Variants in MPP7 observed in about 807,000 individuals in gnomAD.
The protein encoded by MPP7 is MAGUK p55 scaffold protein 7, also known as MAGUK p55 subfamily member 7.
A neutral mutation model predicts 76.5 loss-of-function variants in MPP7; 60 were observed. The ratio of observed to expected loss-of-function variants is 0.78; its 90% confidence interval spans 0.64 to 0.97. The LOEUF (loss-of-function observed/expected upper bound fraction) is 0.97. MPP7 is among the 50% of genes least tolerant of loss of function. The probability of loss-of-function intolerance (pLI) is 0.00; values close to 1 mark genes in which losing one functional copy is unlikely to be tolerated. For synonymous variants in MPP7, 237 were observed against 244.5 expected, an observed-to-expected ratio of 0.97 and a Z score of 0.29; for missense variants, 641 against 694.0, an observed-to-expected ratio of 0.92 and a Z score of 0.86.
At chr10:28,184,840 TTA>T (rs71832663) in intron 3 of MPP7, among the ~76,000 whole-genome samples, 70,845 of 146,146 alleles carry the variant, frequency 0.48, 19,808 homozygotes, top group Middle Eastern at 0.71. Flanking sequence ...ACATATCTAT[TTA>T]TTTTAACTTA....
At chr10:28,235,131 T>A (rs557082306) in intron 2 of MPP7, among the ~76,000 whole-genome samples, 1 of 152,148 alleles carries the variant, frequency 6.6e-6, no homozygotes, top group Non-Finnish European at 1.5e-5. Context: ...GAAATCATTA[T>A]GGCCAAGAGA....
intron 2 of MPP7, among the ~76,000 whole-genome samples, chr10:28,319,849 G>A (rs954413531): frequency 4.6e-5 from 7 of 151,972 alleles, no homozygotes; most frequent in South Asian, 2.1e-4. Context: ...GGTGATGCAC[G>A]CCTGTGGTCC....
chr10:28,063,981 G>A (rs528937866), intron 13 of MPP7, among the ~76,000 whole-genome samples: 1 of 152,256 alleles, frequency 6.6e-6, no homozygotes, highest in South Asian at 2.1e-4. Context: ...GCTCACATAC[G>A]CTACTAGAGG....
rs763770654 is a variant in MPP7 at position 28,147,574 on chromosome 10, G to T, written c.235-11C>A. ...AAGCTCTTCGGCCAGCTGCAACGGA[G>T]ATTACATTGACTTAAAGAACATTTA... is the stretch of plus-strand genomic sequence containing the variant. On this transcript the variant is annotated splice_polypyrimidine_tract_variant and intron_variant, in intron 4 of 16. Transcript: ENST00000683449. The T allele has an allele frequency of 6.2e-7, 1 of 1,612,430 alleles. No individual in the cohort carries two copies. Among genetic ancestry groups the T allele is most frequent in the Non-Finnish European group, 8.5e-7 (1 of 1,178,540 alleles).
intron 1 of MPP7, among the ~76,000 whole-genome samples, chr10:28,267,928 C>T (rs748185226): frequency 2.0e-5 from 3 of 151,850 alleles, no homozygotes; most frequent in Non-Finnish European, 2.9e-5. Flanking sequence ...CCCAGCTATT[C>T]GGGAGGCTAA....
At chr10:28,328,985 T>C (rs1444505879) in intron 2 of MPP7, among the ~76,000 whole-genome samples, 2 of 152,226 alleles carry the variant, frequency 1.3e-5, no homozygotes, top group African/African-American at 2.4e-5. Flanking sequence ...TTGTGCTACA[T>C]AGTAAAATGT....
intron 2 of MPP7, among the ~76,000 whole-genome samples, chr10:28,209,366 G>A (rs982008427): frequency 6.6e-6 from 1 of 151,890 alleles, no homozygotes; most frequent in Non-Finnish European, 1.5e-5. Context: ...CTACTTGGGA[G>A]GCTGAGGAGG....
At chr10:28,288,069 C>G (rs1840828453) in intron 1 of MPP7, among the ~76,000 whole-genome samples, 1 of 152,144 alleles carries the variant, frequency 6.6e-6, no homozygotes, top group Admixed American at 6.5e-5. Flanking sequence ...CAAATCACAA[C>G]AGATTGAATG....
chr10:28,131,807 GT>G, intron 5 of MPP7, 116 bp from the exon 6 acceptor site: 2 of 414,220 alleles, frequency 4.8e-6, no homozygotes, highest in South Asian at 8.9e-5. Flanking sequence ...CAGTGTTACG[GT>G]TTTGACATAG....
chr10:28,204,915 A>C (rs1002539388), intron 2 of MPP7, among the ~76,000 whole-genome samples: 17 of 152,228 alleles, frequency 1.1e-4, no homozygotes, highest in Non-Finnish European at 1.5e-5. Context: ...TTACATATGG[A>C]AAGTGTTAAC....
intron 3 of MPP7, among the ~76,000 whole-genome samples, chr10:28,197,102 A>G (rs1288328602): frequency 6.6e-6 from 1 of 151,396 alleles, no homozygotes; most frequent in Non-Finnish European, 1.5e-5. Context: ...TCTTGCCTCC[A>G]GGTGTTCGCA....
intron 3 of MPP7, among the ~76,000 whole-genome samples, chr10:28,172,146 T>C (rs1023377105): frequency 6.6e-6 from 1 of 152,226 alleles, no homozygotes; most frequent in Non-Finnish European, 1.5e-5. Flanking sequence ...TGGCAACACA[T>C]TTTCATGAAG....
intron 2 of MPP7, among the ~76,000 whole-genome samples, chr10:28,318,697 G>T (rs143149728): frequency 6.6e-6 from 1 of 152,186 alleles, no homozygotes; most frequent in African/African-American, 2.4e-5. Context: ...AAAAATAAAA[G>T]AAAAGAAAAG....
intron 3 of MPP7, among the ~76,000 whole-genome samples, chr10:28,169,914 T>G (rs1836622947): frequency 6.6e-6 from 1 of 152,174 alleles, no homozygotes; most frequent in Admixed American, 6.5e-5. Context: ...TTATCCCCAC[T>G]CTCCCTTATC....
chr10:28,202,449 AGCAGTGGTAT>A (rs1221203378), intron 2 of MPP7, among the ~76,000 whole-genome samples, 178 bp from the exon 3 acceptor site: 1 of 152,242 alleles, frequency 6.6e-6, no homozygotes, highest in African/African-American at 2.4e-5. Context: ...TAAATTCCAA[AGCAGTGGTAT>A]GTATTAACAG....
chr10:28,330,864 TTG>T (rs1237926505), intron 1 of MPP7, among the ~76,000 whole-genome samples: 1 of 152,166 alleles, frequency 6.6e-6, no homozygotes, highest in East Asian at 1.9e-4. Context: ...TCTCCCCATG[TTG>T]CCCAGACTAG....
At chr10:28,154,745 T>TGGGGG (rs747299776) in intron 3 of MPP7, among the ~76,000 whole-genome samples, 1 of 135,302 alleles carries the variant, frequency 7.4e-6, no homozygotes, top group African/African-American at 3.1e-5. Context: ...TTAGTTGGGG[T>TGGGGG]GGGGGGTGGT....
At chr10:28,236,153 G>A (rs186791463) in intron 2 of MPP7, among the ~76,000 whole-genome samples, 190 of 152,158 alleles carry the variant, frequency 1.2e-3, no homozygotes, top group African/African-American at 4.5e-3. Context: ...TAGATCATTC[G>A]GTGGTTTAAC....
At chr10:28,275,964 C>G (rs1840481453) in intron 1 of MPP7, among the ~76,000 whole-genome samples, 1 of 151,620 alleles carries the variant, frequency 6.6e-6, no homozygotes, top group Non-Finnish European at 1.5e-5. Context: ...GAGAACCTAG[C>G]ACATAGTAGG....
Sources: allele counts gnomAD v4.1 joint callset (sites outside exome capture counted in the v4.1 genomes callset), GRCh38; gene constraint gnomAD v4.1.1; transcripts MANE v1.5; gene names NCBI Gene and HGNC (gene_info 2026-07-23, HGNC 2026-07-21).